Variants in TUBGCP3 observed in about 807,000 individuals in gnomAD.
TUBGCP3 encodes the protein gamma-tubulin complex component 3.
A neutral mutation model predicts 123.1 loss-of-function variants in TUBGCP3; 50 were observed. The ratio of observed to expected loss-of-function variants is 0.41; its 90% confidence interval spans 0.32 to 0.51. The LOEUF is 0.51. Among genes scored for constraint, TUBGCP3 ranks in the 20% least tolerant of loss-of-function variants. TUBGCP3 has a pLI of 0.36. For synonymous variants in TUBGCP3, 405 were observed against 413.9 expected (o/e 0.98, Z 0.26); for missense variants, 882 against 1,127.0 (o/e 0.78, Z 3.11).
intron 5 of TUBGCP3, among the ~76,000 whole-genome samples, chr13:112,557,474 G>A (rs1487389488): frequency 6.6e-6 from 1 of 152,114 alleles, no homozygotes; most frequent in Non-Finnish European, 1.5e-5. Flanking sequence ...CTGTTTTTCT[G>A]GAAAAATATC....
rs1415284273 is a variant in TUBGCP3, at chr13:112,504,090, GCAGCAATGATGTGATCCAA to G, written c.2230_2248del (p.Leu744HisfsTer6). The G allele has an allele frequency of 6.2e-7, 1 of 1,614,012 alleles. No individual in the cohort carries two copies. Among genetic ancestry groups the G allele is most frequent in the Non-Finnish European group, 8.5e-7 (1 of 1,180,026 alleles). On this transcript the variant is annotated frameshift_variant, in exon 19 of 22. Transcript: ENST00000261965. LOFTEE classifies it high-confidence loss of function. ...GATGGTGTCTAAGAACACCTCGTGT[GCAGCAATGATGTGATCCAA>G]ATCCTGGGCCTGCTGGACTTTGTTC...
At chr13:112,522,227 A>C (rs2139069708) in intron 14 of TUBGCP3, 93 bp downstream of exon 14, 2 of 1,122,732 alleles carry the variant, frequency 1.8e-6, no homozygotes, top group East Asian at 5.4e-5. Context: ...AATTCAACTC[A>C]TTTTCTTTTA....
At position 112,527,358 on chromosome 13, in the gene TUBGCP3, T is replaced by C. The variant is rs373290145; in HGVS notation, c.1446+16A>G. Reference sequence around the variant, plus strand: ...CCATAAAACATCAAAATCACAAAAATCTCTTCTAATCCTACCTTCCTAGAC... The same window carrying C: ...CCATAAAACATCAAAATCACAAAAACCTCTTCTAATCCTACCTTCCTAGAC... On this transcript the variant is annotated intron_variant, in intron 12 of 21. Transcript: ENST00000261965. 8 of 1,505,064 alleles carry C rather than the reference T, an allele frequency of 5.3e-6. No individual in the cohort carries two copies. Among genetic ancestry groups the C allele is most frequent in the Non-Finnish European group, 7.1e-6 (8 of 1,121,916 alleles). 93.2% of individuals were successfully genotyped at this position (1,505,064 alleles called of 1,614,324 possible). A position where few individuals can be genotyped will look rare whatever the true frequency, so the allele number is the denominator to read the frequency against.
intron 2 of TUBGCP3, among the ~76,000 whole-genome samples, chr13:112,565,707 G>C (rs944563373): frequency 1.3e-5 from 2 of 152,216 alleles, no homozygotes; most frequent in African/African-American, 4.8e-5. Context: ...GACCGAGGCA[G>C]GTGGATCACA....
intron 5 of TUBGCP3, among the ~76,000 whole-genome samples, chr13:112,556,689 C>T (rs1373385700): frequency 6.6e-6 from 1 of 152,220 alleles, no homozygotes; most frequent in Non-Finnish European, 1.5e-5. Context: ...CCTCACCTGT[C>T]TTCAGCCTTC....
At chr13:112,581,876 C>A (rs1263454295) in intron 1 of TUBGCP3, among the ~76,000 whole-genome samples, 3 of 152,098 alleles carry the variant, frequency 2.0e-5, no homozygotes, top group Non-Finnish European at 2.9e-5. Flanking sequence ...GCCAGAAACA[C>A]TCTCCTCTTC....
chr13:112,504,266 T>TC (rs1165663487), intron 18 of TUBGCP3, 103 bp from the exon 19 acceptor site: 1 of 1,431,578 alleles, frequency 7.0e-7, no homozygotes, highest in Non-Finnish European at 9.5e-7. Flanking sequence ...GGCGGGCAGA[T>TC]CACCTGAGAT....
At chr13:112,491,937 A>G (rs992729944) in intron 20 of TUBGCP3, among the ~76,000 whole-genome samples, 2 of 152,228 alleles carry the variant, frequency 1.3e-5, no homozygotes, top group African/African-American at 4.8e-5. Flanking sequence ...AAGTCCCCTG[A>G]TTGATGTGAT....
rs148452630 is a variant in TUBGCP3 at position 112,577,278 on chromosome 13, G to A, written c.77-8019C>T. 4.7e-4 allele frequency among the ~76,000 whole-genome samples: 72 copies of A among 152,266 alleles called. 1 individual carries two copies. The highest frequency in any genetic ancestry group is 1.6e-3 in the African/African-American group (65 of 41,550). On this transcript the variant is annotated intron_variant, in intron 1 of 21. Coordinates refer to ENST00000261965, the MANE Select transcript of TUBGCP3 (RefSeq NM_006322.6). ...CCTGGCACACACACCTTAGCCAAGC[G>A]ATCAAGGTCACTTTCAAGAATGATG...
rs1880535498 is a variant in TUBGCP3 at position 112,496,472 on chromosome 13, T to C, written c.2448+2573A>G. Among the ~76,000 whole-genome samples the C allele has an allele frequency of 3.3e-5, 5 of 152,352 alleles. No individual in the cohort carries two copies. The South Asian group carries it at 1.0e-3, about 32-fold the overall frequency. On this transcript the variant is annotated intron_variant, in intron 20 of 21. Coordinates refer to ENST00000261965, the MANE Select transcript of TUBGCP3 (RefSeq NM_006322.6). ...TTCAGGGGACCTCAGGTCGAAATGA[T>C]GGCTTTGAAGATTATCTTGCCTTTT... is the stretch of plus-strand genomic sequence containing the variant.
rs1030550839 is a variant in TUBGCP3 at position 112,547,488 on chromosome 13, A to C, written c.1168+132T>G. The C allele has an allele frequency of 3.0e-6, 4 of 1,320,474 alleles. No individual in the cohort carries two copies. In the African/African-American group the frequency reaches 4.5e-5, roughly 15 times the overall value. The allele number at this position is 1,320,474 out of a possible 1,614,324, so 81.8% of individuals were successfully genotyped here. ...GCACCCTACAAACGAGTTCTGAAACAAAGCGAGTGCCAGACGCGCGTGGGA... is the reference window on the plus strand; with the variant it reads ...GCACCCTACAAACGAGTTCTGAAACCAAGCGAGTGCCAGACGCGCGTGGGA... On this transcript the variant is annotated intron_variant, in intron 10 of 21. Coordinates refer to ENST00000261965, the MANE Select transcript of TUBGCP3 (RefSeq NM_006322.6).
chr13:112,535,374 C>T (rs1198300708), intron 11 of TUBGCP3, among the ~76,000 whole-genome samples: 1 of 152,136 alleles, frequency 6.6e-6, no homozygotes, highest in African/African-American at 2.4e-5. Flanking sequence ...AAACTGCTTT[C>T]CAGAGGGGCT....
intron 11 of TUBGCP3, among the ~76,000 whole-genome samples, chr13:112,532,795 C>T (rs963878643): frequency 6.6e-6 from 1 of 152,262 alleles, no homozygotes; most frequent in African/African-American, 2.4e-5. Flanking sequence ...TAGCCTTCTA[C>T]TTTTGTCTGC....
chr13:112,561,892 T>G (rs1594204253), intron 3 of TUBGCP3, among the ~76,000 whole-genome samples: 1 of 152,206 alleles, frequency 6.6e-6, no homozygotes, highest in East Asian at 1.9e-4. Context: ...ACCAAAAACT[T>G]AGCAAGTGAC....
intron 5 of TUBGCP3, among the ~76,000 whole-genome samples, chr13:112,557,219 A>G (rs987288629): frequency 6.6e-6 from 1 of 152,242 alleles, no homozygotes; most frequent in African/African-American, 2.4e-5. Context: ...TCTGAGGTAT[A>G]AATGAGAATG....
At chr13:112,504,842 A>G in intron 17 of TUBGCP3, 128 bp from the exon 18 acceptor site, 1 of 728,876 alleles carries the variant, frequency 1.4e-6, no homozygotes. Context: ...TGACCCCTTA[A>G]CAGGAAACAA....
At chr13:112,503,527 G>A (rs1399544467) in intron 19 of TUBGCP3, among the ~76,000 whole-genome samples, 2 of 152,008 alleles carry the variant, frequency 1.3e-5, no homozygotes, top group Non-Finnish European at 2.9e-5. Flanking sequence ...ACACCACCAC[G>A]ACCGGCTAGT....
At chr13:112,577,891 TA>T (rs1438155780) in intron 1 of TUBGCP3, among the ~76,000 whole-genome samples, 2 of 152,134 alleles carry the variant, frequency 1.3e-5, no homozygotes, top group African/African-American at 4.8e-5. Flanking sequence ...AGAAAGCAAC[TA>T]AAATGTGAGG....
chr13:112,500,588 G>A (rs990026184), intron 19 of TUBGCP3, among the ~76,000 whole-genome samples: 2 of 152,270 alleles, frequency 1.3e-5, no homozygotes, highest in South Asian at 2.1e-4. Context: ...TAGCAATAAT[G>A]TAACAAAAGA....
Sources: allele counts gnomAD v4.1 joint callset (sites outside exome capture counted in the v4.1 genomes callset), GRCh38; gene constraint gnomAD v4.1.1; transcripts MANE v1.5; gene names NCBI Gene and HGNC (gene_info 2026-07-23, HGNC 2026-07-21).